Variants in ZFHX3 observed in about 807,000 individuals in gnomAD.
The protein encoded by ZFHX3 is zinc finger homeobox 3.
A neutral mutation model predicts 279.1 loss-of-function variants in ZFHX3; 42 were observed. The observed-to-expected ratio is 0.15, with a 90% CI of 0.12 to 0.19. The LOEUF (loss-of-function observed/expected upper bound fraction) is 0.19, where lower values mean the gene tolerates loss of function less well. Ranked by LOEUF, ZFHX3 falls within the 10% of genes least tolerant of loss-of-function variation. The pLI is 1.00. For missense variants in ZFHX3, 4,981 were observed against 4,754.0 expected (o/e 1.05, Z -1.40); for synonymous variants, 2,293 against 1,957.8 (o/e 1.17, Z -4.52).
At chr16:72,985,049 C>T (rs1597055164) in intron 1 of ZFHX3, among the ~76,000 whole-genome samples, 2 of 152,148 alleles carry the variant, frequency 1.3e-5, no homozygotes, top group Non-Finnish European at 2.9e-5. Flanking sequence ...AACACCAACA[C>T]GCCCCCACAG....
chr16:73,216,898 G>T (rs868274022), intron 5 of ZFHX3, among the ~76,000 whole-genome samples: 49 of 152,202 alleles, frequency 3.2e-4, no homozygotes, highest in African/African-American at 1.1e-3. Flanking sequence ...CTGGGTTTCA[G>T]TAGGAGACAG....
chr16:73,068,437 G>C (rs1335344824), intron 8 of ZFHX3, among the ~76,000 whole-genome samples: 2 of 152,196 alleles, frequency 1.3e-5, no homozygotes, highest in African/African-American at 4.8e-5. Flanking sequence ...TGATGGGCAT[G>C]GTCCCCCATG....
chr16:73,348,079 A>G (rs2143276665), intron 3 of ZFHX3, among the ~76,000 whole-genome samples: 1 of 152,324 alleles, frequency 6.6e-6, no homozygotes, highest in South Asian at 2.1e-4. Flanking sequence ...CATTCTCACT[A>G]TAAACAAGGC....
At chr16:72,935,648 C>T (rs1030803678) in intron 3 of ZFHX3, among the ~76,000 whole-genome samples, 5 of 151,374 alleles carry the variant, frequency 3.3e-5, no homozygotes, top group Admixed American at 3.3e-4. Context: ...GGCTGAGAAT[C>T]GCTTGAACTC....
At chr16:73,715,518 G>A (rs2053405680) in intron 1 of ZFHX3, among the ~76,000 whole-genome samples, 2 of 150,762 alleles carry the variant, frequency 1.3e-5, no homozygotes, top group African/African-American at 4.9e-5. Flanking sequence ...AAGACACTGA[G>A]GCCGAAACTT....
intron 1 of ZFHX3, among the ~76,000 whole-genome samples, chr16:73,004,080 G>A (rs1361424074): frequency 6.9e-6 from 1 of 144,872 alleles, no homozygotes; most frequent in African/African-American, 2.6e-5. Flanking sequence ...TATTCTTCAT[G>A]AATTGTCCAT....
chr16:73,195,996 G>C (rs1968140473), intron 5 of ZFHX3, among the ~76,000 whole-genome samples: 2 of 152,114 alleles, frequency 1.3e-5, no homozygotes, highest in African/African-American at 4.8e-5. Context: ...CACATGCCGT[G>C]TACATATTAG....
At chr16:73,182,727 C>A (rs1219343695) in intron 5 of ZFHX3, among the ~76,000 whole-genome samples, 1 of 152,310 alleles carries the variant, frequency 6.6e-6, no homozygotes, top group Admixed American at 6.5e-5. Context: ...GAAATCATGT[C>A]TTTTGCAGCA....
chr16:73,120,649 C>CTTTTTTTTTTTTTT lies in ZFHX3; in HGVS notation c.-897+10318_-897+10319insAAAAAAAAAAAAAA, dbSNP rs140219846. On this transcript the variant is annotated intron_variant, in intron 7 of 17. Transcript: ENST00000641206. The stretch of plus-strand genomic sequence containing the variant: ...TTGTTTTTCTGCCCTATCCTCTCTA[C>CTTTTTTTTTTTTTT]CTTTTTTTTTTTTTTTTTTTTTTGA... 3.8e-5 allele frequency among the ~76,000 whole-genome samples: 4 copies of CTTTTTTTTTTTTTT among 106,202 alleles called. 2 individuals are homozygous for CTTTTTTTTTTTTTT. The highest frequency in any genetic ancestry group is 7.9e-5 in the Non-Finnish European group (4 of 50,578). 69.7% of individuals were successfully genotyped at this position (106,202 alleles called of 152,430 possible).
intron 5 of ZFHX3, among the ~76,000 whole-genome samples, chr16:73,161,739 T>C (rs1253390483): frequency 6.6e-6 from 1 of 152,174 alleles, no homozygotes; most frequent in Non-Finnish European, 1.5e-5. Flanking sequence ...GCTGTGCAGG[T>C]CATTTTTAGG....
intron 1 of ZFHX3, chr16:73,809,545 C>T (rs140094036): frequency 7.9e-5 from 12 of 152,160 alleles, no homozygotes; most frequent in Non-Finnish European, 4.4e-5. Flanking sequence ...TGCTTCTCAC[C>T]GAGCCTACTT....
intron 2 of ZFHX3, among the ~76,000 whole-genome samples, chr16:73,660,650 T>C (rs964922994): frequency 3.9e-5 from 6 of 152,168 alleles, no homozygotes; most frequent in Admixed American, 2.6e-4. Flanking sequence ...TCTTGAAATC[T>C]GTAGCCCCAC....
intron 5 of ZFHX3, among the ~76,000 whole-genome samples, chr16:73,222,206 A>C (rs2012444946): frequency 6.6e-6 from 1 of 152,092 alleles, no homozygotes; most frequent in African/African-American, 2.4e-5. Flanking sequence ...AGTGTTATAC[A>C]TTAAGATAGA....
intron 2 of ZFHX3, among the ~76,000 whole-genome samples, chr16:73,633,526 T>C (rs535415103): frequency 3.9e-5 from 6 of 152,352 alleles, no homozygotes; most frequent in Non-Finnish European, 7.3e-5. Flanking sequence ...AGACTATTCG[T>C]AATGTTTTAT....
At chr16:73,582,732 C>A (rs930122085) in intron 2 of ZFHX3, among the ~76,000 whole-genome samples, 1 of 151,958 alleles carries the variant, frequency 6.6e-6, no homozygotes, top group Non-Finnish European at 1.5e-5. Context: ...TCACCTTGGC[C>A]TCTCAAAGTG....
chr16:73,093,719 C>T (rs756525201), intron 7 of ZFHX3: 143 of 209,886 alleles, frequency 6.8e-4, no homozygotes, highest in Middle Eastern at 1.6e-3. Flanking sequence ...CTCCTGGCGG[C>T]GTTCCCAGGA....
intron 2 of ZFHX3, among the ~76,000 whole-genome samples, chr16:73,482,849 C>T (rs1160897050): frequency 1.3e-5 from 2 of 152,190 alleles, no homozygotes; most frequent in Non-Finnish European, 1.5e-5. Context: ...TTGTGCCTCA[C>T]TTATTCGCTT....
intron 1 of ZFHX3, among the ~76,000 whole-genome samples, chr16:73,882,134 T>C (rs916913533): frequency 2.0e-5 from 3 of 152,016 alleles, no homozygotes; most frequent in African/African-American, 4.8e-5. Context: ...AAAAAAATGT[T>C]CCCCCCAAAC....
chr16:73,631,921 T>TCA (rs1257292666), intron 2 of ZFHX3, among the ~76,000 whole-genome samples: 6 of 105,972 alleles, frequency 5.7e-5, no homozygotes, highest in African/African-American at 1.9e-4. Flanking sequence ...TCTCTCTCTC[T>TCA]CTCTCTCACA....
Sources: allele counts gnomAD v4.1 joint callset (sites outside exome capture counted in the v4.1 genomes callset), GRCh38; gene constraint gnomAD v4.1.1; transcripts MANE v1.5; gene names NCBI Gene and HGNC (gene_info 2026-07-23, HGNC 2026-07-21).